Variants in LRRTM4 observed in about 807,000 individuals in gnomAD.
LRRTM4 encodes the protein leucine rich repeat transmembrane neuronal 4.
In LRRTM4, 25 loss-of-function variants were observed where a neutral mutation model predicts 47.6. The ratio of observed to expected loss-of-function variants is 0.53; its 90% CI spans 0.38 to 0.73. The LOEUF is 0.73. Among genes scored for constraint, LRRTM4 ranks in the 30% least tolerant of loss-of-function variants. LRRTM4 has a pLI of 0.00. For missense variants in LRRTM4, 638 were observed against 713.4 expected (o/e 0.89, Z 1.20); for synonymous variants, 311 against 269.5 (o/e 1.15, Z -1.51).
chr2:77,031,753 C>G (rs1308166743), intron 3 of LRRTM4, among the ~76,000 whole-genome samples: 2 of 152,016 alleles, frequency 1.3e-5, no homozygotes, highest in Admixed American at 1.3e-4. Context: ...GTGTGTGTGA[C>G]AGAGAGAGAG....
At chr2:77,395,090 G>A (rs73941268) in intron 3 of LRRTM4, among the ~76,000 whole-genome samples, 4,943 of 151,960 alleles carry the variant, frequency 0.033, 279 homozygotes, top group African/African-American at 0.11. Flanking sequence ...CTTTGGTCTT[G>A]TTTATACTTT....
chr2:76,990,760 A>C (rs1676976621), intron 3 of LRRTM4, among the ~76,000 whole-genome samples: 1 of 151,650 alleles, frequency 6.6e-6, no homozygotes, highest in Admixed American at 6.6e-5. Context: ...AAACTAACTA[A>C]GAAATTCTGA....
At chr2:76,850,336 G>A (rs1418070080) in intron 3 of LRRTM4, among the ~76,000 whole-genome samples, 3 of 152,090 alleles carry the variant, frequency 2.0e-5, no homozygotes, top group Non-Finnish European at 4.4e-5. Flanking sequence ...CAGTAAAAAC[G>A]GAAGCAATTG....
At position 76,885,152 on chromosome 2, in the gene LRRTM4, C is replaced by A. The variant is rs189077807; in HGVS notation, c.1552-136236G>T. On this transcript the variant is annotated intron_variant, in intron 3 of 3. Coordinates refer to ENST00000409884, the MANE Select transcript of LRRTM4 (RefSeq NM_001134745.3). ...TTTTTCCTCTCATATAGTATTTTTA[C>A]TGTAAATATTTTAAAAACCACTCTA... 2.5e-3 allele frequency among the ~76,000 whole-genome samples: 378 copies of A among 151,900 alleles called. 8 individuals are homozygous for A. Among genetic ancestry groups the A allele is most frequent in the African/African-American group, 8.8e-3 (364 of 41,452 alleles).
intron 3 of LRRTM4, among the ~76,000 whole-genome samples, chr2:77,477,880 A>G (rs1677472886): frequency 7.1e-6 from 1 of 141,546 alleles, no homozygotes; most frequent in Non-Finnish European, 1.5e-5. Context: ...AAAGAAAGAA[A>G]GAGAAAGAAA....
intron 3 of LRRTM4, among the ~76,000 whole-genome samples, chr2:77,098,206 G>A (rs1000209273): frequency 2.0e-5 from 3 of 152,014 alleles, no homozygotes; most frequent in South Asian, 2.1e-4. Context: ...AGGCGGCCAC[G>A]ATTAGTCAAG....
intron 3 of LRRTM4, among the ~76,000 whole-genome samples, chr2:77,105,773 T>G (rs1344997192): frequency 6.6e-6 from 1 of 152,222 alleles, no homozygotes; most frequent in Non-Finnish European, 1.5e-5. Context: ...GGATCATAGA[T>G]GAAATAAGTT....
chr2:77,008,082 T>C (rs2104052710), intron 3 of LRRTM4, among the ~76,000 whole-genome samples: 1 of 152,290 alleles, frequency 6.6e-6, no homozygotes, highest in East Asian at 1.9e-4. Flanking sequence ...CATCCTGTTG[T>C]TTAACCAATC....
intron 3 of LRRTM4, among the ~76,000 whole-genome samples, chr2:76,995,980 A>T (rs1677187573): frequency 6.6e-6 from 1 of 152,114 alleles, no homozygotes; most frequent in South Asian, 2.1e-4. Flanking sequence ...GTATGCAGAT[A>T]ATGTAGTATT....
At chr2:76,816,408 C>T (rs945989003) in intron 3 of LRRTM4, among the ~76,000 whole-genome samples, 1 of 151,918 alleles carries the variant, frequency 6.6e-6, no homozygotes, top group African/African-American at 2.4e-5. Context: ...CAAATATCTA[C>T]TCAACGGAAC....
At chr2:77,181,044 A>G (rs544682042) in intron 3 of LRRTM4, among the ~76,000 whole-genome samples, 11 of 152,180 alleles carry the variant, frequency 7.2e-5, no homozygotes, top group Non-Finnish European at 1.3e-4. Flanking sequence ...CTATGGTTTG[A>G]GTCCATACTT....
intron 3 of LRRTM4, among the ~76,000 whole-genome samples, chr2:77,506,306 T>TA (rs1050643900): frequency 4.0e-5 from 6 of 151,698 alleles, no homozygotes; most frequent in African/African-American, 1.2e-4. Context: ...GAAGTAAATG[T>TA]AAAAATAAAC....
At chr2:77,279,111 C>A (rs1165224029) in intron 3 of LRRTM4, among the ~76,000 whole-genome samples, 1 of 151,890 alleles carries the variant, frequency 6.6e-6, no homozygotes, top group Non-Finnish European at 1.5e-5. Context: ...CATTGGAGGT[C>A]CAACAAACAA....
chr2:77,304,376 T>C (rs1001430194), intron 3 of LRRTM4, among the ~76,000 whole-genome samples: 1 of 152,176 alleles, frequency 6.6e-6, no homozygotes, highest in Admixed American at 6.5e-5. Context: ...AGTTTGCAAA[T>C]ATTTTATCTT....
At chr2:77,018,203 G>GTTTT (rs199695699) in intron 3 of LRRTM4, among the ~76,000 whole-genome samples, 6 of 67,722 alleles carry the variant, frequency 8.9e-5, no homozygotes, top group Non-Finnish European at 1.9e-4. Context: ...AATTTTTTTT[G>GTTTT]TTTTTTTTTT....
At chr2:76,771,335 C>G (rs1673694375) in intron 3 of LRRTM4, among the ~76,000 whole-genome samples, 1 of 152,066 alleles carries the variant, frequency 6.6e-6, no homozygotes, top group South Asian at 2.1e-4. Flanking sequence ...TTTAATGCAG[C>G]AGGAATGAGA....
intron 3 of LRRTM4, among the ~76,000 whole-genome samples, chr2:77,507,808 G>T (rs999324297): frequency 8.5e-5 from 13 of 152,170 alleles, no homozygotes; most frequent in Non-Finnish European, 1.8e-4. Flanking sequence ...GAATTCCAGA[G>T]TGGCATAGAC....
intron 3 of LRRTM4, among the ~76,000 whole-genome samples, chr2:77,034,727 G>T (rs1361007669): frequency 1.3e-5 from 2 of 151,892 alleles, no homozygotes; most frequent in Non-Finnish European, 2.9e-5. Context: ...TGCAGGAAGT[G>T]TATCACGTCT....
chr2:76,905,628 T>C (rs991759762), intron 3 of LRRTM4, among the ~76,000 whole-genome samples: 3 of 139,940 alleles, frequency 2.1e-5, no homozygotes, highest in East Asian at 2.3e-4. Flanking sequence ...ATAACTAGAA[T>C]AACCAATACA....
Sources: allele counts gnomAD v4.1 joint callset (sites outside exome capture counted in the v4.1 genomes callset), GRCh38; gene constraint gnomAD v4.1.1; transcripts MANE v1.5; gene names NCBI Gene and HGNC (gene_info 2026-07-23, HGNC 2026-07-21).